Variants in STARD13 observed in about 807,000 individuals in gnomAD.
STARD13 encodes StAR related lipid transfer domain containing 13, also known as stAR-related lipid transfer protein 13.
Under a neutral mutation model 106.4 loss-of-function variants are expected in STARD13, and 62 were observed. That is an observed-to-expected ratio of 0.58 (90% CI 0.48 to 0.72). The LOEUF is 0.72. STARD13 is among the 30% of genes least tolerant of loss of function. The probability of loss-of-function intolerance (pLI) is 0.00; values close to 1 mark genes in which losing one functional copy is unlikely to be tolerated. For missense variants in STARD13, 1,387 were observed against 1,424.0 expected, an observed-to-expected ratio of 0.97 and a Z score of 0.42; for synonymous variants, 565 against 553.0, an observed-to-expected ratio of 1.02 and a Z score of -0.31.
the STARD13 span, among the ~76,000 whole-genome samples, chr13:33,575,809 G>A: frequency 1.3e-5 from 2 of 152,016 alleles, no homozygotes; most frequent in African/African-American, 4.8e-5. Flanking sequence ...AGCTAAATAA[G>A]CCTCTTTTTA....
At chr13:33,664,566 T>C in the STARD13 span, among the ~76,000 whole-genome samples, 9,024 of 152,280 alleles carry the variant, frequency 0.059, 943 homozygotes, top group African/African-American at 0.21. Context: ...CTTGTTCTTG[T>C]TGAAATTGAC....
At chr13:33,543,674 T>C in the STARD13 span, among the ~76,000 whole-genome samples, 1 of 152,314 alleles carries the variant, frequency 6.6e-6, no homozygotes, top group African/African-American at 2.4e-5. Flanking sequence ...GCATCCAGAT[T>C]CTCTAGAAGG....
chr13:33,577,217 C>G, the STARD13 span, among the ~76,000 whole-genome samples: 1 of 152,166 alleles, frequency 6.6e-6, no homozygotes, highest in Non-Finnish European at 1.5e-5. Flanking sequence ...TTAGTCACAT[C>G]CAATTACATC....
At chr13:33,112,369 A>C (rs1247825962) in intron 9 of STARD13, among the ~76,000 whole-genome samples, 1 of 152,228 alleles carries the variant, frequency 6.6e-6, no homozygotes, top group African/African-American at 2.4e-5. Context: ...TCTGATTATG[A>C]AAAGAGTGTT....
chr13:33,646,388 T>C, the STARD13 span, among the ~76,000 whole-genome samples: 3 of 152,222 alleles, frequency 2.0e-5, no homozygotes, highest in Non-Finnish European at 4.4e-5. Flanking sequence ...CCTCGGGATA[T>C]ACAGAGGTAA....
the STARD13 span, among the ~76,000 whole-genome samples, chr13:33,415,498 T>C: frequency 6.6e-6 from 1 of 152,238 alleles, no homozygotes; most frequent in Admixed American, 6.5e-5. Flanking sequence ...TCTACAAGTA[T>C]ATATTATTCC....
intron 1 of STARD13, chr13:33,349,337 T>C (rs2078048096): frequency 1.5e-6 from 1 of 685,560 alleles, no homozygotes; most frequent in East Asian, 2.7e-5. Flanking sequence ...TGTTGGTGAA[T>C]GGGGTCCTAA....
At chr13:33,579,845 C>T in the STARD13 span, among the ~76,000 whole-genome samples, 1 of 151,872 alleles carries the variant, frequency 6.6e-6, no homozygotes, top group Admixed American at 6.6e-5. Context: ...CTTTAGAAAA[C>T]TGCAAGTTAA....
the STARD13 span, among the ~76,000 whole-genome samples, chr13:33,517,784 G>A: frequency 6.6e-5 from 10 of 152,030 alleles, no homozygotes; most frequent in East Asian, 3.9e-4. Context: ...TTCTTTTTAC[G>A]CTTCTGATAT....
the STARD13 span, among the ~76,000 whole-genome samples, chr13:33,462,715 C>T: frequency 1.1e-3 from 164 of 152,238 alleles, 1 homozygote; most frequent in African/African-American, 3.9e-3. Context: ...AAGATGAAGG[C>T]GGGAAGACTC....
At chr13:33,552,244 G>A in the STARD13 span, among the ~76,000 whole-genome samples, 136 of 152,164 alleles carry the variant, frequency 8.9e-4, no homozygotes, top group African/African-American at 3.0e-3. Context: ...AAATTAGCAA[G>A]GATATGTTTT....
At chr13:33,207,736 C>T (rs192910590) in intron 1 of STARD13, among the ~76,000 whole-genome samples, 54 of 152,328 alleles carry the variant, frequency 3.5e-4, no homozygotes, top group Middle Eastern at 6.8e-3. Flanking sequence ...AATGAAAGCA[C>T]ATGGATTGTT....
Position 33,118,261 on chromosome 13 carries a change from C to T in STARD13, c.2085G>A (p.Val695=). Residue 695 remains valine (V), a splice_region_variant and synonymous_variant, in exon 8 of 14, where the codon GTG becomes GTA. Transcript: ENST00000336934. ...TCACTCCTGATTTGCGAAAAAGACC[C>T]ACCTGAAACAAAGCCATAGGGATGT... The part of the protein sequence containing the change: ...RYLRSNCLDQ[V]GLFRKSGVKS... The T allele has an allele frequency of 6.2e-7, 1 of 1,614,102 alleles. No homozygotes were observed. The highest frequency in any genetic ancestry group is 8.5e-7 in the Non-Finnish European group (1 of 1,179,976).
At chr13:33,503,560 C>T in the STARD13 span, among the ~76,000 whole-genome samples, 1 of 152,156 alleles carries the variant, frequency 6.6e-6, no homozygotes, top group African/African-American at 2.4e-5. Context: ...TAAATATGTG[C>T]CAGAGATTCT....
At chr13:33,675,524 A>T in the STARD13 span, among the ~76,000 whole-genome samples, 1 of 152,198 alleles carries the variant, frequency 6.6e-6, no homozygotes, top group Non-Finnish European at 1.5e-5. Flanking sequence ...CTGGGGACTT[A>T]CATGGAAATA....
Position 33,128,973 on chromosome 13 carries a change from G to A in STARD13, c.1704C>T (p.Asp568=). 6.2e-7 allele frequency: 1 copy of A among 1,614,030 alleles called. No homozygotes were observed. Among genetic ancestry groups the A allele is most frequent in the African/African-American group, 1.3e-5 (1 of 75,030 alleles). ...LNESEPPGVR[D]RRDSGVGASL... ...AGGCCCCTACACCAGAATCCCTCCT[G>A]TCTCTGACCCCAGGAGGCTCAGATT... The change falls in exon 5 of 14, where the codon GAC becomes GAT. Residue 568 remains aspartate (D), a synonymous_variant. Coordinates refer to ENST00000336934, the MANE Select transcript of STARD13 (RefSeq NM_178006.4).
At chr13:33,650,164 ATTTTTTTTTTT>A in the STARD13 span, among the ~76,000 whole-genome samples, 73 of 48,360 alleles carry the variant, frequency 1.5e-3, 2 homozygotes, top group Middle Eastern at 0.021. Flanking sequence ...CGTGACTCCA[ATTTTTTTTTTT>A]TTTTTTTTTT....
At chr13:33,287,766 A>T (rs577887713), upstream of STARD13, among the ~76,000 whole-genome samples, 1 of 152,244 alleles carries the variant, frequency 6.6e-6, no homozygotes, top group East Asian at 1.9e-4. Flanking sequence ...TCTGTGTCAT[A>T]ACTTTTTGTT....
chr13:33,535,221 GA>G, the STARD13 span, among the ~76,000 whole-genome samples: 5 of 148,656 alleles, frequency 3.4e-5, no homozygotes, highest in African/African-American at 1.2e-4. Context: ...GTCTCAAAAA[GA>G]AAAAAAAAGG....
Sources: gnomAD v4.1 joint callset for allele counts (sites outside exome capture counted in the v4.1 genomes callset) on GRCh38, gnomAD v4.1.1 for gene constraint, MANE v1.5 for transcripts, NCBI Gene and HGNC (gene_info 2026-07-23, HGNC 2026-07-21) for gene names.